PTPRK: variants seen among roughly 807,000 people sequenced by gnomAD.
PTPRK encodes the protein receptor-type tyrosine-protein phosphatase kappa.
In PTPRK, 75 loss-of-function variants were observed where a neutral mutation model predicts 178.0. That is an observed-to-expected ratio of 0.42 (90% confidence interval 0.35 to 0.51). PTPRK has a LOEUF of 0.51. PTPRK is among the 20% of genes least tolerant of loss of function. The probability of loss-of-function intolerance (pLI) is 0.02; values close to 1 mark genes in which losing one functional copy is unlikely to be tolerated. For missense variants in PTPRK, 1,441 were observed against 1,797.8 expected (o/e 0.80, Z 3.59); for synonymous variants, 637 against 620.6 (o/e 1.03, Z -0.39).
chr6:128,271,134 G>A (rs538239750), intron 3 of PTPRK, among the ~76,000 whole-genome samples: 29 of 152,164 alleles, frequency 1.9e-4, no homozygotes, highest in Admixed American at 3.3e-4. Context: ...GGCTGCAACC[G>A]TTTGCCTTCA....
chr6:128,061,847 AT>A (rs934823569), intron 13 of PTPRK, among the ~76,000 whole-genome samples: 2 of 152,098 alleles, frequency 1.3e-5, no homozygotes, highest in African/African-American at 4.8e-5. Context: ...TGTATAATTC[AT>A]TTTTTTATAT....
In PTPRK at chr6:127,983,313, C is replaced by G. The variant is rs1390833759; in HGVS notation, c.3316G>C (p.Glu1106Gln). 3 of 1,613,744 alleles carry G rather than the reference C, an allele frequency of 1.9e-6. No individual in the cohort carries two copies. The highest frequency in any genetic ancestry group is 2.5e-6 in the Non-Finnish European group (3 of 1,179,698). ...CAATTGTAAATATCAACAACACCCT[C>G]TCTTTCAGCCATGTCTAGCATGATG... ...IDIMLDMAER[E>Q]GVVDIYNCVK... Residue 1106 changes from glutamate (E) to glutamine (Q), a missense_variant, in exon 23 of 30, where the codon GAG becomes CAG. By Grantham distance (29) the Glu-to-Gln change is conservative. This residue lies in a region of PTPRK where 335 missense variants were observed against 512.4 expected (regional missense o/e 0.65). Coordinates refer to ENST00000368226, the MANE Select transcript of PTPRK (RefSeq NM_002844.4).
chr6:128,278,542 G>A (rs1821154300), intron 3 of PTPRK, among the ~76,000 whole-genome samples: 1 of 152,102 alleles, frequency 6.6e-6, no homozygotes, highest in South Asian at 2.1e-4. Flanking sequence ...ATGAGAGCTG[G>A]ATAATAACAA....
At chr6:128,516,501 C>T (rs1562682404) in intron 1 of PTPRK, among the ~76,000 whole-genome samples, 2 of 151,670 alleles carry the variant, frequency 1.3e-5, no homozygotes, top group Admixed American at 1.3e-4. Context: ...CAATCAAAAC[C>T]AAAAAAAACT....
chr6:128,107,479 T>C (rs942234667), intron 7 of PTPRK, among the ~76,000 whole-genome samples: 35 of 152,182 alleles, frequency 2.3e-4, no homozygotes, highest in African/African-American at 6.5e-4. Context: ...ATGTATTAAT[T>C]CCTCTAGCCC....
rs74994381 is a variant in PTPRK, at chr6:128,486,865, G to A, written c.100+33394C>T. 9.9e-3 allele frequency among the ~76,000 whole-genome samples: 1,492 copies of A among 151,332 alleles called. 32 individuals carry two copies. The highest frequency in any genetic ancestry group is 0.035 in the African/African-American group (1,422 of 41,100). On this transcript the variant is annotated intron_variant, in intron 1 of 29. Transcript: ENST00000368226. Reference sequence around the variant, plus strand: ...GAAAGGAAAAAAATAAAAAGGGAGGGAGGGAGGATTTATGAATATGAACAC... The same window carrying A: ...GAAAGGAAAAAAATAAAAAGGGAGGAAGGGAGGATTTATGAATATGAACAC...
At chr6:128,323,451 C>T (rs563080198) in intron 2 of PTPRK, among the ~76,000 whole-genome samples, 5 of 152,046 alleles carry the variant, frequency 3.3e-5, no homozygotes, top group Non-Finnish European at 5.9e-5. Flanking sequence ...TGTTATAAAA[C>T]TCAGTGTTAT....
At chr6:128,198,508 G>A (rs896336725) in intron 6 of PTPRK, among the ~76,000 whole-genome samples, 4 of 152,246 alleles carry the variant, frequency 2.6e-5, no homozygotes, top group East Asian at 3.9e-4. Context: ...AGCATTAGGA[G>A]AATTACCTAA....
In PTPRK at chr6:128,089,834, C is replaced by A. The variant is rs370959041; in HGVS notation, c.1321G>T (p.Asp441Tyr). ...YFRGHNESKA[D>Y]CLDMDPKAPQ... ...GCTTTGGGGTCCATGTCCAAACAGT[C>A]TGCCTTGCTCTCGTTGTGACCACGG... The change falls in exon 8 of 30, where the codon GAC (aspartate) becomes TAC (tyrosine). Residue 441 changes from aspartate to tyrosine, a missense_variant. By Grantham distance (160) the Asp-to-Tyr change is radical (BLOSUM62 -3). Around this residue, in one of 4 missense-constraint regions of PTPRK, gnomAD observed 945 missense variants for 1,080.6 expected, o/e 0.87. Transcript: ENST00000368226. The A allele has an allele frequency of 3.7e-6, 6 of 1,614,006 alleles. No individual in the cohort carries two copies. The highest frequency in any genetic ancestry group is 5.1e-6 in the Non-Finnish European group (6 of 1,180,008).
intron 2 of PTPRK, among the ~76,000 whole-genome samples, chr6:128,379,596 G>C (rs1837590257): frequency 6.6e-6 from 1 of 152,214 alleles, no homozygotes; most frequent in Admixed American, 6.5e-5. Context: ...CAGAGCCTCA[G>C]TCTTCCAAGA....
chr6:128,345,852 G>A (rs1251481001), intron 2 of PTPRK, among the ~76,000 whole-genome samples: 1 of 152,088 alleles, frequency 6.6e-6, no homozygotes, highest in Non-Finnish European at 1.5e-5. Flanking sequence ...GAATCTAAAT[G>A]TATAAGCCTT....
At chr6:128,084,414 A>G (rs188476377) in intron 8 of PTPRK, among the ~76,000 whole-genome samples, 112 of 152,298 alleles carry the variant, frequency 7.4e-4, no homozygotes, top group African/African-American at 2.5e-3. Flanking sequence ...CCATATTTAA[A>G]GAGTTATTAC....
chr6:128,460,393 T>C (rs1374810436), intron 1 of PTPRK, among the ~76,000 whole-genome samples: 2 of 151,268 alleles, frequency 1.3e-5, no homozygotes, highest in African/African-American at 4.9e-5. Flanking sequence ...AAATAAAAAA[T>C]TAGCAGGGCA....
Position 127,970,100 on chromosome 6 carries a change from C to A in PTPRK, c.*127G>T. On this transcript the variant is annotated 3_prime_UTR_variant, in exon 30 of 30. Transcript: ENST00000368226. ...CTTCATAAAAAAAATACTTTTACCT[C>A]TCAAATGTAAAAGTCTCCCACCCCC... The A allele has an allele frequency of 1.6e-6, 1 of 614,218 alleles. No individual in the cohort carries two copies. 38.0% of individuals were successfully genotyped at this position (614,218 alleles called of 1,614,324 possible). A position where few individuals can be genotyped will look rare whatever the true frequency, so the allele number is the denominator to read the frequency against.
intron 2 of PTPRK, among the ~76,000 whole-genome samples, chr6:128,362,654 C>T (rs1834935985): frequency 6.6e-6 from 1 of 152,160 alleles, no homozygotes; most frequent in African/African-American, 2.4e-5. Flanking sequence ...TCCTAGTTTT[C>T]ACCTTTAAAA....
At chr6:128,173,132 T>TA (rs1308547267) in intron 7 of PTPRK, among the ~76,000 whole-genome samples, 1 of 152,038 alleles carries the variant, frequency 6.6e-6, no homozygotes, top group Non-Finnish European at 1.5e-5. Context: ...GCCCTTAGCA[T>TA]AATGCTCTGA....
intron 1 of PTPRK, among the ~76,000 whole-genome samples, chr6:128,494,327 T>A (rs954585923): frequency 3.3e-5 from 5 of 152,204 alleles, no homozygotes; most frequent in African/African-American, 1.2e-4. Context: ...TATAATGATT[T>A]AGTAGATTTT....
intron 3 of PTPRK, among the ~76,000 whole-genome samples, chr6:128,243,898 CAT>C (rs1475435848): frequency 2.6e-5 from 4 of 151,880 alleles, no homozygotes; most frequent in African/African-American, 7.3e-5. Context: ...CTAATAGAAA[CAT>C]ATTTGGCTAT....
chr6:128,139,151 C>G (rs1562655713), intron 7 of PTPRK, among the ~76,000 whole-genome samples: 1 of 151,710 alleles, frequency 6.6e-6, no homozygotes, highest in Non-Finnish European at 1.5e-5. Flanking sequence ...CAGTGGGAGG[C>G]AAAATTAGAT....
Sources: gnomAD v4.1 joint callset for allele counts (sites outside exome capture counted in the v4.1 genomes callset) on GRCh38, gnomAD v4.1.1 for gene constraint, gnomAD v4.1.1 regional missense constraint, MANE v1.5 for transcripts, NCBI Gene and HGNC (gene_info 2026-07-23, HGNC 2026-07-21) for gene names.